The following PCMT1 variants were observed in gnomAD, a reference collection of about 807,000 sequenced individuals.
PCMT1 encodes protein-L-isoaspartate(D-aspartate) O-methyltransferase.
PCMT1 carries 9 observed loss-of-function variants against 29.2 expected under a neutral mutation model. The ratio of observed to expected loss-of-function variants is 0.31; its 90% CI spans 0.19 to 0.54. The LOEUF (loss-of-function observed/expected upper bound fraction) is 0.54, where lower values mean the gene tolerates loss of function less well. PCMT1 is among the 20% of genes least tolerant of loss of function. The pLI is 0.95. For synonymous variants in PCMT1, 98 were observed against 97.5 expected, an observed-to-expected ratio of 1.00 and a Z score of -0.03; for missense variants, 184 against 282.2, an observed-to-expected ratio of 0.65 and a Z score of 2.49.
intron 3 of PCMT1, among the ~76,000 whole-genome samples, chr6:149,776,231 A>G (rs895913926): frequency 3.3e-5 from 4 of 121,656 alleles, no homozygotes; most frequent in Admixed American, 8.8e-5. Flanking sequence ...AAATGAAAAG[A>G]TGTCATCTTC....
chr6:149,800,166 A>G (rs1775779658), intron 6 of PCMT1, among the ~76,000 whole-genome samples: 1 of 152,106 alleles, frequency 6.6e-6, no homozygotes, highest in Non-Finnish European at 1.5e-5. Context: ...GGTAATAAAT[A>G]TCCAAAGTAA....
At chr6:149,786,040 A>AC (rs1440910040) in intron 3 of PCMT1, among the ~76,000 whole-genome samples, 3 of 123,548 alleles carry the variant, frequency 2.4e-5, no homozygotes, top group Non-Finnish European at 3.4e-5. Flanking sequence ...CGGGGGGCTG[A>AC]CCCCCCCACC....
intron 7 of PCMT1, among the ~76,000 whole-genome samples, chr6:149,807,892 A>T (rs1017391057): frequency 6.6e-6 from 1 of 152,148 alleles, no homozygotes; most frequent in Non-Finnish European, 1.5e-5. Context: ...CATATTCTAT[A>T]TTGTTCCTTT....
intron 6 of PCMT1, among the ~76,000 whole-genome samples, chr6:149,799,459 C>G (rs892093610): frequency 6.6e-6 from 1 of 152,046 alleles, no homozygotes; most frequent in Non-Finnish European, 1.5e-5. Flanking sequence ...TATTTCCAAC[C>G]TCGAATTCTG....
intron 1 of PCMT1, among the ~76,000 whole-genome samples, chr6:149,753,804 T>C (rs183019414): frequency 2.6e-5 from 4 of 152,340 alleles, no homozygotes; most frequent in African/African-American, 9.6e-5. Flanking sequence ...ATGGTAGATT[T>C]CTTATGTCAT....
At chr6:149,796,714 T>C (rs1788626258) in intron 6 of PCMT1, 1 of 429,348 alleles carries the variant, frequency 2.3e-6, no homozygotes, top group Admixed American at 4.1e-5. Flanking sequence ...GGCGCTCATA[T>C]TTGATCCAGG....
At chr6:149,801,836 T>C (rs1775836407) in intron 6 of PCMT1, among the ~76,000 whole-genome samples, 1 of 152,142 alleles carries the variant, frequency 6.6e-6, no homozygotes, top group African/African-American at 2.4e-5. Context: ...TGACTATTAA[T>C]ATAAAATCTG....
At chr6:149,800,145 C>T (rs1775779196) in intron 6 of PCMT1, among the ~76,000 whole-genome samples, 1 of 152,046 alleles carries the variant, frequency 6.6e-6, no homozygotes, top group South Asian at 2.1e-4. Flanking sequence ...ATTGAGGGCA[C>T]CCTTTCCTGA....
chr6:149,764,579 A>T (rs1390954041), intron 1 of PCMT1, among the ~76,000 whole-genome samples: 1 of 152,096 alleles, frequency 6.6e-6, no homozygotes, highest in Non-Finnish European at 1.5e-5. Context: ...TCTAAAAAAA[A>T]ACTTTTAAAA....
In PCMT1 at chr6:149,810,819, G is replaced by C. The variant is rs1461634484; in HGVS notation, c.*241G>C. 2.1e-6 allele frequency: 1 copy of C among 470,886 alleles called. No homozygotes were observed. Among genetic ancestry groups the C allele is most frequent in the Non-Finnish European group, 3.8e-6 (1 of 266,508 alleles). 29.2% of individuals were successfully genotyped at this position (470,886 alleles called of 1,614,324 possible). On this transcript the variant is annotated 3_prime_UTR_variant, in exon 8 of 8. Coordinates refer to ENST00000464889, the MANE Select transcript of PCMT1 (RefSeq NM_001360452.2). The stretch of plus-strand genomic sequence containing the variant: ...CACAGAGCCAAATTGGTAGAGGAAG[G>C]ATGCAAAGTATAAATTTGTGTAATA...
intron 5 of PCMT1, 31 bp downstream of exon 5, chr6:149,793,700 C>A: frequency 6.6e-7 from 1 of 1,514,356 alleles, no homozygotes; most frequent in Non-Finnish European, 8.8e-7. Context: ...AAAATTTCTT[C>A]AGAGGATTTT....
At chr6:149,757,497 G>C (rs1786555960) in intron 1 of PCMT1, among the ~76,000 whole-genome samples, 3 of 152,142 alleles carry the variant, frequency 2.0e-5, no homozygotes, top group African/African-American at 7.2e-5. Flanking sequence ...ATAACAAGAG[G>C]ATCAGCATCT....
intron 4 of PCMT1, among the ~76,000 whole-genome samples, chr6:149,791,752 T>A (rs986533308): frequency 1.3e-5 from 2 of 152,236 alleles, no homozygotes; most frequent in Non-Finnish European, 2.9e-5. Context: ...ATCAGTGATT[T>A]TTTTTAAGGT....
In PCMT1 at chr6:149,749,814, G is replaced by GT; in HGVS notation, c.-87dup. ...GGGACGCGAGCGGGGCGGTGACGGT[G>GT]TGGGAGGTGGTCTCACTCTTGGGAA... is the stretch of plus-strand genomic sequence containing the variant. On this transcript the variant is annotated 5_prime_UTR_variant, in exon 1 of 8. Transcript: ENST00000464889. 1 of 1,555,470 alleles carries GT rather than the reference G, an allele frequency of 6.4e-7. No homozygotes were observed. Among genetic ancestry groups the GT allele is most frequent in the Admixed American group, 2.0e-5 (1 of 51,176 alleles).
At chr6:149,805,455 G>T (rs577548791) in intron 7 of PCMT1, among the ~76,000 whole-genome samples, 2 of 151,740 alleles carry the variant, frequency 1.3e-5, no homozygotes, top group Non-Finnish European at 2.9e-5. Context: ...TTAGCCGGGC[G>T]TGGTGGCAGG....
chr6:149,789,696 CTT>C, intron 3 of PCMT1, among the ~76,000 whole-genome samples: 1 of 145,706 alleles, frequency 6.9e-6, no homozygotes, highest in Non-Finnish European at 1.5e-5. Context: ...ACTTATAAAT[CTT>C]TTAATTTTTT....
intron 5 of PCMT1, among the ~76,000 whole-genome samples, chr6:149,794,029 A>G (rs1041464770): frequency 2.0e-5 from 3 of 152,068 alleles, no homozygotes; most frequent in African/African-American, 7.2e-5. Context: ...CTCCCATCTG[A>G]GGTGTGCCTT....
At position 149,772,532 on chromosome 6, in the gene PCMT1, T is replaced by TA. The variant is rs760018105; in HGVS notation, c.161-605dup. On this transcript the variant is annotated intron_variant, in intron 2 of 7. Transcript: ENST00000464889. ...GCCAAAAATATATCAACTCTCAACT[T>TA]ACTGAAATTCTTCCTTTCTTAGCTG... The TA allele has an allele frequency of 1.9e-4, 84 of 444,694 alleles. 2 individuals carry two copies. The highest frequency in any genetic ancestry group is 1.3e-3 in the South Asian group (82 of 61,180). 27.5% of individuals were successfully genotyped at this position (444,694 alleles called of 1,614,324 possible).
intron 3 of PCMT1, among the ~76,000 whole-genome samples, chr6:149,785,343 A>G (rs1456913063): frequency 1.5e-5 from 1 of 67,764 alleles, no homozygotes; most frequent in Non-Finnish European, 2.6e-5. Context: ...TCTCTTTGGC[A>G]TTGGCTGTTT....
Sources: allele counts gnomAD v4.1 joint callset (sites outside exome capture counted in the v4.1 genomes callset), GRCh38; gene constraint gnomAD v4.1.1; transcripts MANE v1.5; gene names NCBI Gene and HGNC (gene_info 2026-07-23, HGNC 2026-07-21).